Variants in EPS15L1 observed in about 807,000 individuals in gnomAD.
EPS15L1 encodes the protein epidermal growth factor receptor pathway substrate 15 like 1, also known as epidermal growth factor receptor substrate 15-like 1.
EPS15L1 carries 43 observed loss-of-function variants against 117.1 expected under a neutral mutation model. The ratio of observed to expected loss-of-function variants is 0.37; its 90% CI spans 0.29 to 0.47. EPS15L1 has a LOEUF of 0.47. EPS15L1 is among the 20% of genes least tolerant of loss of function. The pLI, the probability that EPS15L1 is intolerant of heterozygous loss-of-function variation, is 0.99. For missense variants in EPS15L1, 981 were observed against 1,164.0 expected, an observed-to-expected ratio of 0.84 and a Z score of 2.29; for synonymous variants, 459 against 470.5, an observed-to-expected ratio of 0.98 and a Z score of 0.32.
chr19:16,428,873 G>C, intron 7 of EPS15L1, 112 bp from the exon 8 acceptor site: 1 of 782,632 alleles, frequency 1.3e-6, no homozygotes, highest in Non-Finnish European at 2.2e-6. Context: ...CTCAGGAGAC[G>C]GCAGTCAATA....
rs529800711 is a variant in EPS15L1 at position 16,389,506 on chromosome 19, C to G, written c.2103+2798G>C. Among the ~76,000 whole-genome samples, 3 of 152,190 alleles carry G rather than the reference C, an allele frequency of 2.0e-5. No individual in the cohort carries two copies. The South Asian group carries it at 6.2e-4, about 32-fold the overall frequency. On this transcript the variant is annotated intron_variant, in intron 19 of 23. Coordinates refer to ENST00000455140, the MANE Select transcript of EPS15L1 (RefSeq NM_001258374.3). ...CAGTCGACCTGAGCTATAAGAAGTG[C>G]TAAAGAAAGTTCTTTAGGCTGAAGG... is the stretch of plus-strand genomic sequence containing the variant.
intron 22 of EPS15L1, among the ~76,000 whole-genome samples, chr19:16,375,408 G>A (rs1020818131): frequency 3.3e-5 from 5 of 151,946 alleles, no homozygotes; most frequent in Non-Finnish European, 4.4e-5. Context: ...ATGGCCGCAC[G>A]TGGGAATGTG....
At chr19:16,420,968 G>A (rs917307223) in intron 10 of EPS15L1, among the ~76,000 whole-genome samples, 2 of 152,188 alleles carry the variant, frequency 1.3e-5, no homozygotes, top group African/African-American at 4.8e-5. Context: ...CCTGCTGCCC[G>A]CACCTCCCGG....
chr19:16,368,337 C>A (rs1415286681), intron 22 of EPS15L1, among the ~76,000 whole-genome samples: 1 of 152,192 alleles, frequency 6.6e-6, no homozygotes, highest in Non-Finnish European at 1.5e-5. Flanking sequence ...ACAGGGGACA[C>A]ACATGCACAA....
chr19:16,430,678 C>G (rs1005796092), intron 7 of EPS15L1, among the ~76,000 whole-genome samples: 9 of 152,220 alleles, frequency 5.9e-5, no homozygotes, highest in Non-Finnish European at 1.3e-4. Flanking sequence ...TGGTCCACTG[C>G]AGGCTCTGAA....
At chr19:16,448,549 G>GGC (rs1358493252) in intron 1 of EPS15L1, among the ~76,000 whole-genome samples, 1 of 144,602 alleles carries the variant, frequency 6.9e-6, no homozygotes, top group Non-Finnish European at 1.5e-5. Context: ...AAAAAAAAAG[G>GGC]GGGGGGGAGA....
chr19:16,417,251 C>G (rs1306836896), intron 12 of EPS15L1, among the ~76,000 whole-genome samples: 1 of 152,106 alleles, frequency 6.6e-6, no homozygotes, highest in Non-Finnish European at 1.5e-5. Context: ...GACCACACAG[C>G]TGCCACAGGC....
At chr19:16,428,807 G>C in intron 7 of EPS15L1, 46 bp from the exon 8 acceptor site, 1 of 1,512,288 alleles carries the variant, frequency 6.6e-7, no homozygotes, top group Non-Finnish European at 9.1e-7. Context: ...GGAAGGACTG[G>C]GTGAGAGTGA....
intron 1 of EPS15L1, among the ~76,000 whole-genome samples, chr19:16,452,942 G>A (rs1192398880): frequency 6.6e-6 from 1 of 151,960 alleles, no homozygotes; most frequent in Non-Finnish European, 1.5e-5. Context: ...GACTACAGGT[G>A]CCCACCACCA....
At chr19:16,392,512 C>T (rs1412978324) in intron 18 of EPS15L1, 72 bp from the exon 19 acceptor site, 49 of 1,370,170 alleles carry the variant, frequency 3.6e-5, no homozygotes, top group Non-Finnish European at 3.1e-6. Context: ...GAACACATCA[C>T]AGAATGATGC....
rs2144649827 is a variant in EPS15L1 at position 16,365,806 on chromosome 19, C to T, written c.2381-3822G>A. On this transcript the variant is annotated intron_variant, in intron 22 of 23. Transcript: ENST00000455140. The surrounding 1 kb of genome is among the most constrained non-coding windows in gnomAD (Gnocchi z 4.9). Reference sequence around the variant, plus strand: ...GGGTCAGCTCTGTGAAAAGCGGGCCCAGCATACCACAAATGCCAGCCAATA... The same window carrying T: ...GGGTCAGCTCTGTGAAAAGCGGGCCTAGCATACCACAAATGCCAGCCAATA... Among the ~76,000 whole-genome samples, 1 of 152,328 alleles carries T rather than the reference C, an allele frequency of 6.6e-6. No individual in the cohort carries two copies. Among genetic ancestry groups the T allele is most frequent in the East Asian group, 1.9e-4 (1 of 5,182 alleles).
chr19:16,437,227 G>A (rs2092987258), intron 5 of EPS15L1, among the ~76,000 whole-genome samples: 1 of 152,208 alleles, frequency 6.6e-6, no homozygotes, highest in African/African-American at 2.4e-5. Flanking sequence ...GCTGGTAGCA[G>A]CACTATTCAC....
chr19:16,412,386 A>G (rs1010815337), intron 13 of EPS15L1, among the ~76,000 whole-genome samples: 5 of 151,958 alleles, frequency 3.3e-5, no homozygotes, highest in Non-Finnish European at 7.4e-5. Flanking sequence ...TGTAATCCCA[A>G]CTACTTGGGA....
chr19:16,394,579 TG>T (rs1427383561), intron 17 of EPS15L1, among the ~76,000 whole-genome samples: 5 of 152,228 alleles, frequency 3.3e-5, no homozygotes, highest in Non-Finnish European at 5.9e-5. Context: ...CTCTGAAACA[TG>T]GACAGAAACT....
At chr19:16,441,651 AGTCC>A in intron 3 of EPS15L1, 1 of 305,678 alleles carries the variant, frequency 3.3e-6, no homozygotes, top group Non-Finnish European at 6.0e-6. Flanking sequence ...AAAAAAAAAA[AGTCC>A]ACAAGCTATC....
chr19:16,439,946 A>G lies in EPS15L1; in HGVS notation c.213+916T>C, dbSNP rs940440827. Among the ~76,000 whole-genome samples, 108 of 128,836 alleles carry G rather than the reference A, an allele frequency of 8.4e-4. 1 individual carries two copies. The South Asian group carries it at 0.012, about 15-fold the overall frequency. The allele number at this position is 128,836 out of a possible 152,430, so 84.5% of individuals were successfully genotyped here. On this transcript the variant is annotated intron_variant, in intron 4 of 23. Transcript: ENST00000455140. ...CAGATTTTTTTTTTTTTTTTTTCAG[A>G]TGGGGTTTTCACTGTGGAGGCTAAG...
At chr19:16,410,830 C>CTGAGTCTGGGAGGCAGAAGTTGCAG (rs1263030364) in intron 13 of EPS15L1, among the ~76,000 whole-genome samples, 7 of 152,256 alleles carry the variant, frequency 4.6e-5, no homozygotes, top group Non-Finnish European at 1.5e-5. Flanking sequence ...GGAGGATCAC[C>CTGAGTCTGGGAGGCAGAAGTTGCAG]TGAGTCTGGG....
chr19:16,403,788 A>G lies in EPS15L1; in HGVS notation c.1571T>C (p.Val524Ala), dbSNP rs1430798477. 1 of 1,613,146 alleles carries G rather than the reference A, an allele frequency of 6.2e-7. No homozygotes were observed. Among genetic ancestry groups the G allele is most frequent in the Non-Finnish European group, 8.5e-7 (1 of 1,179,860 alleles). The change falls in exon 15 of 24, where the codon GTC becomes GCC. Residue 524 changes from valine (V) to alanine (A), a missense_variant. Transcript: ENST00000455140. ...GGACTTGATGATGGTTTCCAGCTGG[A>G]CTCGCCCAGCCTGAATGCTCTGCTC... ...QLEQSIQAGR[V>A]QLETIIKSLK... is the part of the protein sequence containing the mutation.
intron 1 of EPS15L1, among the ~76,000 whole-genome samples, chr19:16,442,728 C>A (rs2093044459): frequency 6.6e-6 from 1 of 152,236 alleles, no homozygotes; most frequent in Admixed American, 6.5e-5. Context: ...CAGAGACGCA[C>A]ACTGACCAGC....
Sources: allele counts gnomAD v4.1 joint callset (sites outside exome capture counted in the v4.1 genomes callset), GRCh38; gene constraint gnomAD v4.1.1; non-coding constraint Gnocchi (gnomAD v3.1); transcripts MANE v1.5; gene names NCBI Gene and HGNC (gene_info 2026-07-23, HGNC 2026-07-21).